Variants in USP22 observed in about 807,000 individuals in gnomAD.
The protein encoded by USP22 is ubiquitin specific peptidase 22, also known as ubiquitin carboxyl-terminal hydrolase 22.
USP22 carries 22 observed loss-of-function variants against 68.1 expected under a neutral mutation model. That is an observed-to-expected ratio of 0.32 (90% CI 0.23 to 0.46). USP22 has a LOEUF of 0.46. Among genes scored for constraint, USP22 ranks in the 20% least tolerant of loss-of-function variants. The pLI is 1.00. For missense variants in USP22, 433 were observed against 695.8 expected (o/e 0.62, Z 4.25); for synonymous variants, 279 against 274.2 (o/e 1.02, Z -0.17).
At chr17:21,020,548 T>C (rs909762234) in intron 3 of USP22, among the ~76,000 whole-genome samples, 4 of 152,318 alleles carry the variant, frequency 2.6e-5, no homozygotes, top group South Asian at 4.1e-4. Flanking sequence ...GTGCACGCTG[T>C]TGACATGGAT....
chr17:21,042,729 T>A lies in USP22; in HGVS notation c.107A>T (p.Gln36Leu). ...LGSFKVDNWKQNLRAIYQCFV... is the reference protein window; with the variant it reads ...LGSFKVDNWKLNLRAIYQCFV... ...GCACTGGTAGATGGCCCGCAGGTTCTGCTTCCAGTTGTCCACCTTGAAGCT... is the reference window on the plus strand; with the variant it reads ...GCACTGGTAGATGGCCCGCAGGTTCAGCTTCCAGTTGTCCACCTTGAAGCT... Residue 36 changes from glutamine to leucine, a missense_variant, in exon 1 of 13, where the codon CAG (glutamine) becomes CTG (leucine). By Grantham distance (113) the Gln-to-Leu change is moderately radical. Transcript: ENST00000261497. 6.8e-7 allele frequency: 1 copy of A among 1,471,306 alleles called. No homozygotes were observed. 91.1% of individuals were successfully genotyped at this position (1,471,306 alleles called of 1,614,324 possible). A position where few individuals can be genotyped will look rare whatever the true frequency, so the allele number is the denominator to read the frequency against.
chr17:21,039,925 C>G (rs1026978458), intron 1 of USP22, among the ~76,000 whole-genome samples: 4 of 152,172 alleles, frequency 2.6e-5, no homozygotes, highest in Non-Finnish European at 5.9e-5. Context: ...AAAAATATGG[C>G]TGGGCTCAGT....
At chr17:21,041,512 C>T (rs1409928512) in intron 1 of USP22, among the ~76,000 whole-genome samples, 1 of 152,112 alleles carries the variant, frequency 6.6e-6, no homozygotes, top group African/African-American at 2.4e-5. Flanking sequence ...GCAGGAGAAT[C>T]GGCTGAACCC....
intron 1 of USP22, among the ~76,000 whole-genome samples, chr17:21,037,605 G>A (rs986454015): frequency 6.6e-6 from 1 of 152,144 alleles, no homozygotes; most frequent in Non-Finnish European, 1.5e-5. Flanking sequence ...AACTCTCAAG[G>A]TCACCAAACA....
At chr17:21,027,783 A>G (rs889449335) in intron 2 of USP22, among the ~76,000 whole-genome samples, 4 of 152,214 alleles carry the variant, frequency 2.6e-5, no homozygotes, top group African/African-American at 7.2e-5. Context: ...CAACCTGGCC[A>G]ACATAGTGAA....
At chr17:21,006,270 G>C (rs1201975791) in intron 10 of USP22, among the ~76,000 whole-genome samples, 1 of 152,196 alleles carries the variant, frequency 6.6e-6, no homozygotes, top group African/African-American at 2.4e-5. Flanking sequence ...ATCTACAACT[G>C]CAAAACCAAC....
chr17:21,043,302 C>CCCCCCCCCCCCG (rs1972473996), upstream of USP22: 1 of 47,594 alleles, frequency 2.1e-5, no homozygotes, highest in Non-Finnish European at 5.9e-5. Context: ...GTAGGCCACC[C>CCCCCCCCCCCCG]CCCCCCCCCC....
intron 9 of USP22, among the ~76,000 whole-genome samples, chr17:21,007,390 G>A (rs986291686): frequency 2.0e-5 from 3 of 152,148 alleles, no homozygotes; most frequent in East Asian, 1.9e-4. Context: ...AGGAATGGGC[G>A]TTTTCCATGT....
chr17:21,002,943 G>C lies in USP22; in HGVS notation c.*88C>G. The C allele has an allele frequency of 1.3e-6, 2 of 1,521,120 alleles. No homozygotes were observed. The highest frequency in any genetic ancestry group is 1.8e-6 in the Non-Finnish European group (2 of 1,108,414). The allele number at this position is 1,521,120 out of a possible 1,614,324, so 94.2% of individuals were successfully genotyped here. On this transcript the variant is annotated 3_prime_UTR_variant, in exon 13 of 13. Coordinates refer to ENST00000261497, the MANE Select transcript of USP22 (RefSeq NM_015276.2). ...TCACCAGGCCGGGGAGGCGGCGGGA[G>C]ACTTGGGGGAGGGGGGGGCCAGGGA...
chr17:21,038,653 C>T (rs2143655943), intron 1 of USP22, among the ~76,000 whole-genome samples: 1 of 145,338 alleles, frequency 6.9e-6, no homozygotes, highest in Non-Finnish European at 1.5e-5. Context: ...GAGTGAGAGA[C>T]AGACCCTGTC....
intron 1 of USP22, among the ~76,000 whole-genome samples, chr17:21,037,118 A>G (rs1972367506): frequency 6.6e-6 from 1 of 152,244 alleles, no homozygotes; most frequent in Admixed American, 6.5e-5. Context: ...TGATGGGAGC[A>G]ACACAACAAA....
chr17:21,003,140 C>T, intron 12 of USP22, 67 bp from the exon 13 acceptor site: 4 of 1,588,566 alleles, frequency 2.5e-6, no homozygotes, highest in Non-Finnish European at 3.5e-6. Flanking sequence ...AACAACCCAC[C>T]CTACACAAAA....
At chr17:21,011,590 T>C (rs1391917124) in intron 7 of USP22, 6 of 394,820 alleles carry the variant, frequency 1.5e-5, no homozygotes, top group African/African-American at 1.1e-4. Context: ...ACTGAGGGAC[T>C]TGGGAGGAGG....
chr17:21,042,613 C>A lies in USP22; in HGVS notation c.171+52G>T, dbSNP rs957821598. 1.3e-4 allele frequency: 165 copies of A among 1,258,236 alleles called. 2 individuals are homozygous for A. In the East Asian group the frequency reaches 5.2e-3, roughly 39 times the overall value. 77.9% of individuals were successfully genotyped at this position (1,258,236 alleles called of 1,614,324 possible). On this transcript the variant is annotated intron_variant, in intron 1 of 12. Coordinates refer to ENST00000261497, the MANE Select transcript of USP22 (RefSeq NM_015276.2). ...AAAGGGCCCCTCCGCCGGCCGGCCT[C>A]AGGAGCGGCAGAAGGCCCCGAGCCC...
chr17:21,026,483 CCTG>C (rs1972221157), intron 2 of USP22, among the ~76,000 whole-genome samples: 1 of 151,938 alleles, frequency 6.6e-6, no homozygotes, highest in Non-Finnish European at 1.5e-5. Flanking sequence ...ACCACCACGC[CCTG>C]CTAATTTTTA....
At chr17:21,030,719 T>A (rs1972279680) in intron 1 of USP22, among the ~76,000 whole-genome samples, 3 of 152,092 alleles carry the variant, frequency 2.0e-5, no homozygotes, top group Admixed American at 2.0e-4. Flanking sequence ...AACATTAATG[T>A]AATGAAAGAA....
At chr17:21,026,940 T>C (rs556266395) in intron 2 of USP22, among the ~76,000 whole-genome samples, 49 of 152,150 alleles carry the variant, frequency 3.2e-4, no homozygotes, top group South Asian at 2.1e-4. Flanking sequence ...TAGCTGGGAC[T>C]GCAGGCGTGC....
At chr17:21,015,346 C>A (rs187542710) in intron 6 of USP22, among the ~76,000 whole-genome samples, 35 of 152,190 alleles carry the variant, frequency 2.3e-4, no homozygotes, top group Non-Finnish European at 4.0e-4. Context: ...TTGGAGAGTC[C>A]CCAATGGGAA....
At chr17:21,038,148 C>T (rs1972380016) in intron 1 of USP22, among the ~76,000 whole-genome samples, 1 of 152,128 alleles carries the variant, frequency 6.6e-6, no homozygotes, top group African/African-American at 2.4e-5. Context: ...CATATCATCC[C>T]AGCACTGTGG....
Sources: gnomAD v4.1 joint callset for allele counts (sites outside exome capture counted in the v4.1 genomes callset) on GRCh38, gnomAD v4.1.1 for gene constraint, MANE v1.5 for transcripts, NCBI Gene and HGNC (gene_info 2026-07-23, HGNC 2026-07-21) for gene names.